Variants in DTD2 observed in about 807,000 individuals in gnomAD.
DTD2 encodes the protein D-aminoacyl-tRNA deacylase 2.
A neutral mutation model predicts 15.5 loss-of-function variants in DTD2; 12 were observed. That is an observed-to-expected ratio of 0.77 (90% CI 0.50 to 1.25). DTD2 has a LOEUF of 1.25. DTD2 is among the 50% of genes most tolerant of loss of function. The pLI is 0.00. For synonymous variants in DTD2, 59 were observed against 77.3 expected, an observed-to-expected ratio of 0.76 and a Z score of 1.24; for missense variants, 170 against 201.1, an observed-to-expected ratio of 0.85 and a Z score of 0.93.
Position 31,448,198 on chromosome 14 carries a change from G to A in DTD2, c.438C>T (p.Gly146=). The A allele has an allele frequency of 6.2e-7, 1 of 1,614,132 alleles. No individual in the cohort carries two copies. The highest frequency in any genetic ancestry group is 8.5e-7 in the Non-Finnish European group (1 of 1,180,024). The stretch of plus-strand genomic sequence containing the variant: ...TTAACACCTGCCTGTTCCCATAAGT[G>A]CCATGTTCCACTACAACCCTAGCTT... ...CAEARVVVEH[G]TYGNRQVLKL... Residue 146 remains glycine (G), a synonymous_variant, in exon 3 of 3, where the codon GGC becomes GGT. Transcript: ENST00000310850.
intron 1 of DTD2, among the ~76,000 whole-genome samples, chr14:31,455,045 T>C (rs577617063): frequency 5.9e-5 from 9 of 152,340 alleles, no homozygotes; most frequent in African/African-American, 2.2e-4. Flanking sequence ...CTCTTTAAAC[T>C]AATTTAGTTA....
chr14:31,449,750 C>T (rs188689230), intron 2 of DTD2, among the ~76,000 whole-genome samples: 181 of 152,300 alleles, frequency 1.2e-3, no homozygotes, highest in African/African-American at 4.2e-3. Flanking sequence ...GAAGGAACTA[C>T]ATAAACTTCA....
chr14:31,457,049 G>A (rs893013849), intron 1 of DTD2: 1 of 560,890 alleles, frequency 1.8e-6, no homozygotes, highest in Non-Finnish European at 3.2e-6. Flanking sequence ...CCCAAGAAGG[G>A]AGACACGCTC....
At position 31,446,118 on chromosome 14, in the gene DTD2, T is replaced by C. The variant is rs2031954556; in HGVS notation, c.*2011A>G. The C allele has an allele frequency of 2.0e-5, 3 of 152,210 alleles. No homozygotes were observed. The highest frequency in any genetic ancestry group is 7.2e-5 in the African/African-American group (3 of 41,458). The allele number at this position is 152,210 out of a possible 1,614,324, so 9.4% of individuals were successfully genotyped here. A position where few individuals can be genotyped will look rare whatever the true frequency, so the allele number is the denominator to read the frequency against. On this transcript the variant is annotated 3_prime_UTR_variant, in exon 3 of 3. Coordinates refer to ENST00000310850, the MANE Select transcript of DTD2 (RefSeq NM_080664.3). The stretch of plus-strand genomic sequence containing the variant: ...GCAAAAGTTAAGGACAATGAGCTCA[T>C]TACCAAGCCAGTTATTGATTCTCTG...
chr14:31,447,894 C>T lies in DTD2; in HGVS notation c.*235G>A, dbSNP rs1484228147. ...TATGAAGTGAATAGACAGCATATTT[C>T]AAATTTTCAAGTAGAAGGGTAGAGG... On this transcript the variant is annotated 3_prime_UTR_variant, in exon 3 of 3. Transcript: ENST00000310850. The T allele has an allele frequency of 8.6e-6, 4 of 465,658 alleles. No homozygotes were observed. Among genetic ancestry groups the T allele is most frequent in the Non-Finnish European group, 1.5e-5 (4 of 265,308 alleles). The allele number at this position is 465,658 out of a possible 1,614,324, so 28.8% of individuals were successfully genotyped here. A position where few individuals can be genotyped will look rare whatever the true frequency, so the allele number is the denominator to read the frequency against.
chr14:31,455,978 C>G (rs1303484382), intron 1 of DTD2, among the ~76,000 whole-genome samples: 1 of 152,134 alleles, frequency 6.6e-6, no homozygotes, highest in Non-Finnish European at 1.5e-5. Context: ...AAGTGAATTT[C>G]TGGGAAAGGA....
At position 31,448,167 on chromosome 14, in the gene DTD2, C is replaced by A. The variant is rs746713001; in HGVS notation, c.469G>T (p.Asp157Tyr). 1.2e-6 allele frequency: 2 copies of A among 1,613,768 alleles called. No homozygotes were observed. The highest frequency in any genetic ancestry group is 8.5e-7 in the Non-Finnish European group (1 of 1,179,834). ...AAGTGTGTGAATGGTCCGTTGGTGTCCAGCTTTAACACCTGCCTGTTCCCA... is the reference window on the plus strand; with the variant it reads ...AAGTGTGTGAATGGTCCGTTGGTGTACAGCTTTAACACCTGCCTGTTCCCA... ...TYGNRQVLKL[D>Y]TNGPFTHLIE... is the part of the protein sequence containing the mutation. Residue 157 changes from aspartate (D) to tyrosine (Y), a missense_variant, in exon 3 of 3, where the codon GAC (aspartate) becomes TAC (tyrosine). Transcript: ENST00000310850.
chr14:31,453,270 C>T lies in DTD2; in HGVS notation c.181+5G>A, dbSNP rs770084569. On this transcript the variant is annotated splice_donor_5th_base_variant and intron_variant, in intron 2 of 2. Transcript: ENST00000310850. ...CTTAAAAAAGAAACAAAGTCAAACA[C>T]ATACCCATTTTGGGAAGAAGTTCTT... 1.2e-6 allele frequency: 2 copies of T among 1,613,800 alleles called. No homozygotes were observed. Among genetic ancestry groups the T allele is most frequent in the East Asian group, 4.5e-5 (2 of 44,886 alleles).
intron 1 of DTD2, 51 bp from the exon 2 acceptor site, chr14:31,453,395 T>C: frequency 6.6e-7 from 1 of 1,523,046 alleles, no homozygotes; most frequent in Non-Finnish European, 9.1e-7. Context: ...TCTGTAAAGA[T>C]ACAGGGCTAA....
chr14:31,448,458 G>A lies in DTD2; in HGVS notation c.182-4C>T. 2.5e-6 allele frequency: 4 copies of A among 1,572,446 alleles called. No homozygotes were observed. Among genetic ancestry groups the A allele is most frequent in the South Asian group, 2.4e-5 (2 of 84,910 alleles). On this transcript the variant is annotated splice_region_variant and splice_polypyrimidine_tract_variant and intron_variant, in intron 2 of 2. Coordinates refer to ENST00000310850, the MANE Select transcript of DTD2 (RefSeq NM_080664.3). The stretch of plus-strand genomic sequence containing the variant: ...TTCACATTTAACAGTGTATTAACTG[G>A]GTGAGGAAGAAAGGCAAAACATTTT...
At chr14:31,451,461 C>CT (rs34116335) in intron 2 of DTD2, among the ~76,000 whole-genome samples, 7 of 150,918 alleles carry the variant, frequency 4.6e-5, no homozygotes, top group African/African-American at 1.5e-4. Context: ...CTCTCTCTCT[C>CT]TTTTTTTTTC....
rs117751290 is a variant in DTD2 at position 31,455,888 on chromosome 14, A to G, written c.111+1395T>C. Among the ~76,000 whole-genome samples the G allele has an allele frequency of 6.1e-4, 93 of 152,200 alleles. 2 individuals carry two copies. In the East Asian group the frequency reaches 0.015, roughly 25 times the overall value. On this transcript the variant is annotated intron_variant, in intron 1 of 2. Coordinates refer to ENST00000310850, the MANE Select transcript of DTD2 (RefSeq NM_080664.3). ...CTGGCAGGTTAATTCTTTAGATAGG[A>G]TGGCAAAATAAAATAATAAAATTTC...
intron 2 of DTD2, 73 bp from the exon 3 acceptor site, chr14:31,448,527 A>G: frequency 7.4e-7 from 1 of 1,346,368 alleles, no homozygotes; most frequent in African/African-American, 1.5e-5. Flanking sequence ...GTTTTTAGTC[A>G]GCAAATCTCA....
chr14:31,449,355 G>T (rs1371265750), intron 2 of DTD2, among the ~76,000 whole-genome samples: 1 of 152,150 alleles, frequency 6.6e-6, no homozygotes, highest in Non-Finnish European at 1.5e-5. Context: ...TATGAACATG[G>T]ACTAATCATT....
chr14:31,453,399 G>C, intron 1 of DTD2, 55 bp from the exon 2 acceptor site: 5 of 1,441,690 alleles, frequency 3.5e-6, no homozygotes, highest in Non-Finnish European at 2.9e-6. Flanking sequence ...TAAAGATACA[G>C]GGCTAAATGG....
In DTD2 at chr14:31,457,304, G is replaced by T; in HGVS notation, c.90C>A (p.Asp30Glu). The T allele has an allele frequency of 1.3e-6, 2 of 1,591,410 alleles. No individual in the cohort carries two copies. The highest frequency in any genetic ancestry group is 1.7e-6 in the Non-Finnish European group (2 of 1,170,242). ...ARLQIRPADG[D>E]VAAQWVEVQR... is the part of the protein sequence containing the mutation. ...TTACCTCCACCCACTGGGCCGCGAC[G>T]TCCCCATCGGCTGGGCGAATTTGCA... The change falls in exon 1 of 3, where the codon GAC (aspartate) becomes GAA (glutamate). Residue 30 changes from aspartate to glutamate, a missense_variant. Asp to Glu is a conservative substitution (Grantham distance 45). Coordinates refer to ENST00000310850, the MANE Select transcript of DTD2 (RefSeq NM_080664.3).
At chr14:31,451,555 A>C (rs2032035638) in intron 2 of DTD2, among the ~76,000 whole-genome samples, 1 of 152,108 alleles carries the variant, frequency 6.6e-6, no homozygotes, top group African/African-American at 2.4e-5. Context: ...AAACTATTGC[A>C]GTTACTGGCT....
In DTD2 at chr14:31,446,841, T is replaced by G. The variant is rs568499215; in HGVS notation, c.*1288A>C. 2.0e-5 allele frequency: 3 copies of G among 152,166 alleles called. No individual in the cohort carries two copies. Among genetic ancestry groups the G allele is most frequent in the Non-Finnish European group, 4.4e-5 (3 of 68,020 alleles). 9.4% of individuals were successfully genotyped at this position (152,166 alleles called of 1,614,324 possible). A position where few individuals can be genotyped will look rare whatever the true frequency, so the allele number is the denominator to read the frequency against. On this transcript the variant is annotated 3_prime_UTR_variant, in exon 3 of 3. Transcript: ENST00000310850. The stretch of plus-strand genomic sequence containing the variant: ...AAACTATTCTTATGGGAAGCTTCCC[T>G]TTTTCTCCCTTTTACAGCAATCTAA...
chr14:31,457,155 G>A, intron 1 of DTD2, 128 bp downstream of exon 1: 1 of 875,690 alleles, frequency 1.1e-6, no homozygotes, highest in Non-Finnish European at 1.8e-6. Context: ...GCTTCAAGCT[G>A]ACCCGGTATC....
Sources: allele counts gnomAD v4.1 joint callset (sites outside exome capture counted in the v4.1 genomes callset), GRCh38; gene constraint gnomAD v4.1.1; transcripts MANE v1.5; gene names NCBI Gene and HGNC (gene_info 2026-07-23, HGNC 2026-07-21).